TANC1: variants seen among roughly 807,000 people sequenced by gnomAD.
TANC1 encodes protein TANC1.
TANC1 carries 77 observed loss-of-function variants against 149.7 expected under a neutral mutation model. That is an observed-to-expected ratio of 0.51 (90% CI 0.43 to 0.62). The LOEUF (loss-of-function observed/expected upper bound fraction) is 0.62, where lower values mean the gene tolerates loss of function less well. Among genes scored for constraint, TANC1 ranks in the 20% least tolerant of loss-of-function variants. The pLI, the probability that TANC1 is intolerant of heterozygous loss-of-function variation, is 0.00. For missense variants in TANC1, 1,985 were observed against 2,321.8 expected (o/e 0.85, Z 2.98); for synonymous variants, 854 against 925.0 (o/e 0.92, Z 1.39).
intron 2 of TANC1, among the ~76,000 whole-genome samples, chr2:159,020,656 A>G (rs1574161939): frequency 6.6e-6 from 1 of 152,350 alleles, no homozygotes; most frequent in East Asian, 1.9e-4. Flanking sequence ...AACTGAATTT[A>G]GATTCAGAAA....
chr2:159,197,438 T>C (rs2057937664), intron 18 of TANC1, among the ~76,000 whole-genome samples: 2 of 152,362 alleles, frequency 1.3e-5, no homozygotes, highest in South Asian at 4.1e-4. Flanking sequence ...CTCTGAATTA[T>C]CTTCAAGCAA....
At chr2:159,023,526 G>A (rs2039001720) in intron 2 of TANC1, among the ~76,000 whole-genome samples, 1 of 151,464 alleles carries the variant, frequency 6.6e-6, no homozygotes, top group African/African-American at 2.4e-5. Flanking sequence ...ATTTTTGGAA[G>A]AGACAGGATC....
chr2:159,138,498 A>G (rs1265193428), intron 5 of TANC1, among the ~76,000 whole-genome samples: 2 of 152,232 alleles, frequency 1.3e-5, no homozygotes, highest in Non-Finnish European at 2.9e-5. Context: ...GTCAAAGTGT[A>G]AATTTTATCC....
chr2:159,196,508 G>A (rs996581772), intron 17 of TANC1, 100 bp from the exon 18 acceptor site: 11 of 964,340 alleles, frequency 1.1e-5, no homozygotes, highest in Admixed American at 2.7e-5. Flanking sequence ...CCCCATGTAC[G>A]CTTACAGGGA....
chr2:159,068,433 T>C (rs1382844317), intron 3 of TANC1, among the ~76,000 whole-genome samples: 1 of 152,212 alleles, frequency 6.6e-6, no homozygotes, highest in Non-Finnish European at 1.5e-5. Context: ...TTAGGAGACA[T>C]GTCTAAAAAC....
chr2:159,222,173 T>TC (rs1220048749), intron 22 of TANC1, among the ~76,000 whole-genome samples: 1 of 152,218 alleles, frequency 6.6e-6, no homozygotes, highest in Admixed American at 6.5e-5. Context: ...TCAGCTACCT[T>TC]CCCACATTGT....
intron 2 of TANC1, among the ~76,000 whole-genome samples, chr2:159,014,100 A>G (rs768527103): frequency 5.9e-5 from 9 of 152,210 alleles, no homozygotes; most frequent in Non-Finnish European, 1.2e-4. Context: ...ATAAGGTCAC[A>G]TTCTGAGGTA....
chr2:159,101,658 G>A (rs1281028355), intron 4 of TANC1, among the ~76,000 whole-genome samples: 1 of 151,944 alleles, frequency 6.6e-6, no homozygotes, highest in African/African-American at 2.4e-5. Flanking sequence ...AAGTCTTTTT[G>A]GATTAAGAAT....
intron 2 of TANC1, among the ~76,000 whole-genome samples, chr2:159,045,622 T>C (rs1406644842): frequency 6.6e-6 from 1 of 152,180 alleles, no homozygotes; most frequent in East Asian, 1.9e-4. Context: ...TAATGACAAT[T>C]CTATAATAGT....
Position 159,230,992 on chromosome 2 carries a change from T to C in TANC1, c.5566T>C (p.Phe1856Leu), listed in dbSNP as rs769054516. 2.5e-6 allele frequency: 4 copies of C among 1,611,916 alleles called. No individual in the cohort carries two copies. Among genetic ancestry groups the C allele is most frequent in the Non-Finnish European group, 3.4e-6 (4 of 1,179,018 alleles). The change falls in exon 27 of 27, where the codon TTT becomes CTT. Residue 1856 changes from phenylalanine to leucine, a missense_variant. Phe to Leu is a conservative substitution (Grantham distance 22). Coordinates refer to ENST00000263635, the MANE Select transcript of TANC1 (RefSeq NM_033394.3). This position sits in a 1 kb window ranked among gnomAD's most constrained non-coding sequence, Gnocchi z 4.4. ...HLTAAKPKRSFIESNV is the reference protein window; with the variant it reads ...HLTAAKPKRSLIESNV ...CACTGCAGCCAAACCAAAGCGATCA[T>C]TTATAGAGTCAAATGTGTGAACCTT... is the stretch of plus-strand genomic sequence containing the variant.
intron 7 of TANC1, among the ~76,000 whole-genome samples, chr2:159,150,990 C>G (rs989541701): frequency 6.6e-6 from 1 of 152,058 alleles, no homozygotes; most frequent in East Asian, 1.9e-4. Flanking sequence ...TCTAGGGTTT[C>G]TTATCATGGG....
chr2:159,193,595 G>A (rs1575183294), intron 16 of TANC1, among the ~76,000 whole-genome samples: 1 of 152,120 alleles, frequency 6.6e-6, no homozygotes, highest in East Asian at 1.9e-4. Flanking sequence ...TGCAATCTCA[G>A]CTCACTGCAA....
intron 1 of TANC1, among the ~76,000 whole-genome samples, chr2:158,995,908 G>A (rs1166886794): frequency 3.9e-5 from 6 of 152,196 alleles, no homozygotes; most frequent in Admixed American, 2.0e-4. Context: ...TGGCTCAGCC[G>A]TGGGTGCACT....
intron 19 of TANC1, among the ~76,000 whole-genome samples, chr2:159,215,884 A>G (rs959288906): frequency 1.3e-5 from 2 of 151,454 alleles, no homozygotes; most frequent in African/African-American, 4.9e-5. Context: ...CTGATTGACT[A>G]TGCCACTTTC....
chr2:159,135,366 G>A (rs980124553), intron 4 of TANC1, among the ~76,000 whole-genome samples: 3 of 152,250 alleles, frequency 2.0e-5, no homozygotes, highest in African/African-American at 4.8e-5. Context: ...TACAAATGGC[G>A]TTACTGTGAG....
intron 14 of TANC1, among the ~76,000 whole-genome samples, chr2:159,180,575 C>T (rs2056374463): frequency 6.6e-6 from 1 of 152,128 alleles, no homozygotes; most frequent in Admixed American, 6.5e-5. Context: ...ATGGGGACAT[C>T]CCCTGGGGCA....
chr2:159,170,898 C>A, intron 10 of TANC1, 93 bp downstream of exon 10: 1 of 1,368,310 alleles, frequency 7.3e-7, no homozygotes, highest in Non-Finnish European at 1.0e-6. Context: ...CAATTTTCCT[C>A]AAGTTGTTGC....
intron 13 of TANC1, 99 bp downstream of exon 13, chr2:159,176,617 G>T: frequency 1.0e-6 from 1 of 955,166 alleles, no homozygotes; most frequent in Non-Finnish European, 1.5e-6. Flanking sequence ...TCAGCTGCTT[G>T]AATTGGAAAC....
chr2:159,052,631 A>G (rs1292002539), intron 2 of TANC1, among the ~76,000 whole-genome samples: 2 of 152,218 alleles, frequency 1.3e-5, no homozygotes, highest in African/African-American at 4.8e-5. Flanking sequence ...GGACTAAGAC[A>G]AGGGATCTGT....
Sources: gnomAD v4.1 joint callset for allele counts (sites outside exome capture counted in the v4.1 genomes callset) on GRCh38, gnomAD v4.1.1 for gene constraint, Gnocchi (gnomAD v3.1) non-coding constraint, MANE v1.5 for transcripts, NCBI Gene and HGNC (gene_info 2026-07-23, HGNC 2026-07-21) for gene names.